Variants in GALNT13 observed in about 807,000 individuals in gnomAD.
GALNT13 encodes polypeptide N-acetylgalactosaminyltransferase 13, also known as UDP-GalNAc:polypeptide N-acetylgalactosaminyltransferase 13.
Under a neutral mutation model 64.2 loss-of-function variants are expected in GALNT13, and 28 were observed. The observed-to-expected ratio is 0.44, with a 90% CI of 0.32 to 0.60. The LOEUF is 0.60. GALNT13 is among the 20% of genes least tolerant of loss of function. GALNT13 has a pLI of 0.05. For missense variants in GALNT13, 577 were observed against 669.8 expected, an observed-to-expected ratio of 0.86 and a Z score of 1.53; for synonymous variants, 214 against 224.6, an observed-to-expected ratio of 0.95 and a Z score of 0.42.
At chr2:154,390,597 T>C (rs1698743623) in intron 9 of GALNT13, among the ~76,000 whole-genome samples, 1 of 152,176 alleles carries the variant, frequency 6.6e-6, no homozygotes. Flanking sequence ...CCATGGTGTA[T>C]ATATACCACA....
intron 9 of GALNT13, among the ~76,000 whole-genome samples, chr2:154,329,029 T>C (rs1205730723): frequency 6.6e-6 from 1 of 152,118 alleles, no homozygotes; most frequent in Admixed American, 6.6e-5. Flanking sequence ...TAAGGTATTC[T>C]ATATACTTTG....
chr2:153,437,319 A>G, the GALNT13 span, among the ~76,000 whole-genome samples: 2 of 151,954 alleles, frequency 1.3e-5, no homozygotes, highest in Non-Finnish European at 2.9e-5. Flanking sequence ...TTGGGTGGAG[A>G]GTTCTGTAGA....
the GALNT13 span, among the ~76,000 whole-genome samples, chr2:153,072,423 A>T: frequency 3.3e-5 from 5 of 152,220 alleles, no homozygotes; most frequent in East Asian, 9.6e-4. Context: ...TCCAAAAGGA[A>T]GAAATAAGTA....
At chr2:153,160,738 C>A in the GALNT13 span, among the ~76,000 whole-genome samples, 2 of 152,188 alleles carry the variant, frequency 1.3e-5, no homozygotes, top group East Asian at 1.9e-4. Flanking sequence ...AATCTCCCCC[C>A]ACTCAATCAA....
the GALNT13 span, among the ~76,000 whole-genome samples, chr2:153,102,570 A>C: frequency 6.6e-6 from 1 of 152,174 alleles, no homozygotes; most frequent in Non-Finnish European, 1.5e-5. Context: ...TATGATGTGA[A>C]TTGCTATCAT....
chr2:153,137,428 G>C, the GALNT13 span, among the ~76,000 whole-genome samples: 1 of 152,046 alleles, frequency 6.6e-6, no homozygotes, highest in Non-Finnish European at 1.5e-5. Context: ...CTCCAGGTCT[G>C]TCCTCAAGTG....
the GALNT13 span, chr2:153,421,068 A>AATT: frequency 4.4e-5 from 10 of 227,852 alleles, no homozygotes. Context: ...ACGGTGTAAT[A>AATT]GGCAGTAAGC....
At chr2:153,785,805 G>A in the GALNT13 span, among the ~76,000 whole-genome samples, 5 of 152,108 alleles carry the variant, frequency 3.3e-5, no homozygotes, top group Admixed American at 3.3e-4. Flanking sequence ...GGGCGTGGGG[G>A]ATGCCATATT....
chr2:153,866,289 C>T, the GALNT13 span, among the ~76,000 whole-genome samples: 30 of 86,702 alleles, frequency 3.5e-4, no homozygotes, highest in African/African-American at 1.1e-3. Flanking sequence ...TGTGCACATG[C>T]ACCCTAAAAC....
At chr2:154,455,644 A>G (rs2105517326), downstream of GALNT13, among the ~76,000 whole-genome samples, 1 of 152,276 alleles carries the variant, frequency 6.6e-6, no homozygotes. Context: ...CCATGTTCGA[A>G]CTGCTACTAA....
the GALNT13 span, among the ~76,000 whole-genome samples, chr2:153,498,492 C>A: frequency 6.6e-6 from 1 of 152,252 alleles, no homozygotes; most frequent in Non-Finnish European, 1.5e-5. Context: ...CTTTGCACAG[C>A]CAGGCATGCT....
intron 4 of GALNT13, among the ~76,000 whole-genome samples, chr2:154,213,568 A>G (rs1037649400): frequency 6.6e-6 from 1 of 151,966 alleles, no homozygotes; most frequent in African/African-American, 2.4e-5. Context: ...CTAGATGGGT[A>G]TGAAGAATGA....
chr2:153,253,915 T>C, the GALNT13 span, among the ~76,000 whole-genome samples: 1 of 152,228 alleles, frequency 6.6e-6, no homozygotes. Flanking sequence ...TCAAGGATAT[T>C]GGTCTAAAAT....
the GALNT13 span, among the ~76,000 whole-genome samples, chr2:153,859,577 AACAAATAAG>A: frequency 6.6e-6 from 1 of 152,210 alleles, no homozygotes; most frequent in African/African-American, 2.4e-5. Flanking sequence ...ACAAAGAGGA[AACAAATAAG>A]ACAAATAAGA....
At chr2:153,484,122 G>C in the GALNT13 span, among the ~76,000 whole-genome samples, 1 of 152,020 alleles carries the variant, frequency 6.6e-6, no homozygotes, top group South Asian at 2.1e-4. Context: ...AGAACACTTA[G>C]AAAATAATCC....
At chr2:154,378,103 T>C (rs1329423451) in intron 9 of GALNT13, among the ~76,000 whole-genome samples, 1 of 152,142 alleles carries the variant, frequency 6.6e-6, no homozygotes, top group East Asian at 1.9e-4. Flanking sequence ...CACAGACTAT[T>C]TTACCTTAAG....
the GALNT13 span, among the ~76,000 whole-genome samples, chr2:153,709,518 G>T: frequency 6.6e-6 from 1 of 152,018 alleles, no homozygotes; most frequent in African/African-American, 2.4e-5. Context: ...GTGGAGGAAA[G>T]GGAATTCTTG....
chr2:153,998,865 A>C (rs575750131), intron 3 of GALNT13, among the ~76,000 whole-genome samples: 8 of 152,300 alleles, frequency 5.3e-5, no homozygotes, highest in Admixed American at 3.9e-4. Context: ...ATGGTTAGCC[A>C]GTTTTCCCAA....
intron 1 of GALNT13, among the ~76,000 whole-genome samples, chr2:153,877,176 A>G (rs1686438212): frequency 6.6e-6 from 1 of 152,022 alleles, no homozygotes; most frequent in African/African-American, 2.4e-5. Context: ...TCCATAATAA[A>G]TACTTAGATT....
Sources: gnomAD v4.1 joint callset for allele counts (sites outside exome capture counted in the v4.1 genomes callset) on GRCh38, gnomAD v4.1.1 for gene constraint, MANE v1.5 for transcripts, NCBI Gene and HGNC (gene_info 2026-07-23, HGNC 2026-07-21) for gene names.